Variants in SNX29 observed in about 807,000 individuals in gnomAD.
The protein encoded by SNX29 is sorting nexin 29.
In SNX29, 78 loss-of-function variants were observed where a neutral mutation model predicts 102.1. The ratio of observed to expected loss-of-function variants is 0.76; its 90% confidence interval spans 0.64 to 0.92. The LOEUF is 0.92. Ranked by LOEUF, SNX29 falls within the 40% of genes least tolerant of loss-of-function variation. SNX29 has a pLI of 0.00. For missense variants in SNX29, 1,280 were observed against 1,061.7 expected, an observed-to-expected ratio of 1.21 and a Z score of -2.86; for synonymous variants, 580 against 414.5, an observed-to-expected ratio of 1.40 and a Z score of -4.85.
intron 20 of SNX29, among the ~76,000 whole-genome samples, chr16:12,541,913 C>A (rs896065030): frequency 2.6e-5 from 4 of 152,186 alleles, no homozygotes; most frequent in Admixed American, 6.5e-5. Context: ...ATGTTTTCCA[C>A]TGATTGCCCA....
chr16:12,339,331 A>T (rs1176264330), intron 15 of SNX29, among the ~76,000 whole-genome samples: 1 of 136,662 alleles, frequency 7.3e-6, no homozygotes, highest in African/African-American at 2.7e-5. Context: ...AGATCGTGCC[A>T]TTGCACTCCA....
chr16:12,513,362 A>G (rs1259287730), intron 19 of SNX29, among the ~76,000 whole-genome samples: 1 of 126,598 alleles, frequency 7.9e-6, no homozygotes, highest in African/African-American at 3.2e-5. Flanking sequence ...TCTTCTCCTC[A>G]GCCTTCCTCT....
intron 20 of SNX29, among the ~76,000 whole-genome samples, chr16:12,551,884 C>T (rs765046044): frequency 6.6e-6 from 1 of 152,280 alleles, no homozygotes; most frequent in South Asian, 2.1e-4. Context: ...AGCCTGTCTG[C>T]TCATCTGTAA....
chr16:12,114,226 T>C (rs907116076), intron 11 of SNX29, among the ~76,000 whole-genome samples: 2 of 152,196 alleles, frequency 1.3e-5, no homozygotes, highest in African/African-American at 4.8e-5. Context: ...AATAATATCG[T>C]TCCCCTAACT....
intron 16 of SNX29, among the ~76,000 whole-genome samples, chr16:12,360,638 T>G (rs569196014): frequency 4.9e-4 from 75 of 152,010 alleles, no homozygotes; most frequent in African/African-American, 1.8e-3. Context: ...ACAAATGTAA[T>G]CCCCATCCCC....
At chr16:11,983,905 G>A (rs2055492388) in intron 1 of SNX29, among the ~76,000 whole-genome samples, 1 of 152,110 alleles carries the variant, frequency 6.6e-6, no homozygotes, top group African/African-American at 2.4e-5. Flanking sequence ...GTGAACACTG[G>A]TTCTCAGGAG....
At chr16:12,315,160 G>A (rs1319503570) in intron 15 of SNX29, among the ~76,000 whole-genome samples, 1 of 152,206 alleles carries the variant, frequency 6.6e-6, no homozygotes, top group Non-Finnish European at 1.5e-5. Context: ...AACCCCTGGT[G>A]ACTGTGAAGC....
intron 18 of SNX29, among the ~76,000 whole-genome samples, chr16:12,468,117 C>T (rs1175739340): frequency 6.6e-6 from 1 of 151,634 alleles, no homozygotes; most frequent in Non-Finnish European, 1.5e-5. Context: ...TTCCCTCTGC[C>T]CTGCCCTTTG....
chr16:12,218,496 A>T (rs946956946), intron 14 of SNX29, among the ~76,000 whole-genome samples: 2 of 152,198 alleles, frequency 1.3e-5, no homozygotes, highest in Admixed American at 1.3e-4. Flanking sequence ...GAGCTATAAC[A>T]CAAGAGTTGA....
chr16:12,556,702 AG>A (rs1377033251), intron 20 of SNX29, among the ~76,000 whole-genome samples: 1 of 152,180 alleles, frequency 6.6e-6, no homozygotes, highest in Non-Finnish European at 1.5e-5. Context: ...CAGAAGCCAA[AG>A]GCCAGTGGGT....
chr16:12,545,551 TGGAGAAAC>T (rs1460345941), intron 20 of SNX29: 1 of 152,164 alleles, frequency 6.6e-6, no homozygotes, highest in Non-Finnish European at 1.5e-5. Context: ...AGACGACTTA[TGGAGAAAC>T]GTTTGAGTAG....
intron 13 of SNX29, among the ~76,000 whole-genome samples, chr16:12,189,374 T>C (rs1030773668): frequency 1.3e-5 from 2 of 152,252 alleles, no homozygotes; most frequent in Non-Finnish European, 2.9e-5. Flanking sequence ...TTTTCTTGAC[T>C]TTCATGACCT....
chr16:12,062,105 G>A (rs1199844490), intron 9 of SNX29, among the ~76,000 whole-genome samples: 1 of 152,136 alleles, frequency 6.6e-6, no homozygotes, highest in East Asian at 1.9e-4. Flanking sequence ...TGGGCTGGGT[G>A]CGATATCTCA....
intron 19 of SNX29, among the ~76,000 whole-genome samples, chr16:12,483,143 T>TTTTTTTTG (rs2088046727): frequency 1.5e-5 from 2 of 133,370 alleles, no homozygotes; most frequent in Non-Finnish European, 1.6e-5. Flanking sequence ...TTTTTTTTTT[T>TTTTTTTTG]GGAGACAGCA....
At chr16:12,198,120 C>T (rs1230498830) in intron 13 of SNX29, among the ~76,000 whole-genome samples, 1 of 152,124 alleles carries the variant, frequency 6.6e-6, no homozygotes, top group Non-Finnish European at 1.5e-5. Flanking sequence ...ACTATCCTGT[C>T]ATAGAGACTC....
chr16:12,014,499 G>A (rs765529412), intron 3 of SNX29, among the ~76,000 whole-genome samples: 6 of 151,946 alleles, frequency 3.9e-5, no homozygotes, highest in African/African-American at 9.7e-5. Flanking sequence ...TTGGAAGGCC[G>A]AGGAGCACAG....
chr16:12,254,319 A>C (rs549192769), intron 14 of SNX29, among the ~76,000 whole-genome samples: 57 of 152,250 alleles, frequency 3.7e-4, no homozygotes, highest in African/African-American at 1.3e-3. Context: ...TGGCCCTCCC[A>C]CATTAAGATG....
intron 16 of SNX29, among the ~76,000 whole-genome samples, chr16:12,380,293 C>T (rs948109414): frequency 5.4e-5 from 8 of 148,062 alleles, no homozygotes; most frequent in Admixed American, 1.3e-4. Flanking sequence ...TCATCTACCC[C>T]CCAACACCCA....
chr16:12,374,752 C>T (rs886516787), intron 16 of SNX29: 3 of 152,092 alleles, frequency 2.0e-5, no homozygotes, highest in African/African-American at 7.2e-5. Context: ...CAAGGCTCAC[C>T]CCCAGATCAG....
Sources: allele counts gnomAD v4.1 joint callset (sites outside exome capture counted in the v4.1 genomes callset), GRCh38; gene constraint gnomAD v4.1.1; transcripts MANE v1.5; gene names NCBI Gene and HGNC (gene_info 2026-07-23, HGNC 2026-07-21).